The following GHR variants were observed in gnomAD, a reference collection of about 807,000 sequenced individuals.
GHR encodes growth hormone receptor.
GHR carries 35 observed loss-of-function variants against 67.1 expected under a neutral mutation model. The observed-to-expected ratio is 0.52, with a 90% confidence interval of 0.40 to 0.69. The LOEUF (loss-of-function observed/expected upper bound fraction) is 0.69. Ranked by LOEUF, GHR falls within the 30% of genes least tolerant of loss-of-function variation. GHR has a pLI of 0.00. For synonymous variants in GHR, 272 were observed against 269.1 expected, an observed-to-expected ratio of 1.01 and a Z score of -0.10; for missense variants, 792 against 764.6, an observed-to-expected ratio of 1.04 and a Z score of -0.42.
intron 2 of GHR, among the ~76,000 whole-genome samples, chr5:42,598,417 G>A (rs573908855): frequency 1.3e-5 from 2 of 152,320 alleles, no homozygotes; most frequent in South Asian, 4.1e-4. Context: ...GGGATAATGG[G>A]TGAAATTTCC....
chr5:42,641,246 A>G (rs1029353816), intron 3 of GHR, among the ~76,000 whole-genome samples: 6 of 152,080 alleles, frequency 3.9e-5, no homozygotes, highest in Admixed American at 3.9e-4. Flanking sequence ...CCCTTACTGG[A>G]CTAAACTCAA....
chr5:42,701,139 A>G (rs1757910274), intron 6 of GHR, among the ~76,000 whole-genome samples: 1 of 152,170 alleles, frequency 6.6e-6, no homozygotes, highest in South Asian at 2.1e-4. Flanking sequence ...CTATTTTCAC[A>G]ATACACTAAA....
intron 2 of GHR, among the ~76,000 whole-genome samples, chr5:42,603,754 C>T (rs1281393171): frequency 2.0e-5 from 3 of 152,168 alleles, no homozygotes; most frequent in African/African-American, 7.2e-5. Context: ...GTTTCCTTCA[C>T]ACAACAAGTA....
intron 1 of GHR, among the ~76,000 whole-genome samples, chr5:42,515,658 G>A (rs1023404991): frequency 6.6e-6 from 1 of 152,234 alleles, no homozygotes; most frequent in African/African-American, 2.4e-5. Context: ...AACACTGGGT[G>A]GATATAAAAG....
chr5:42,645,516 GT>G (rs1481242693), intron 3 of GHR, among the ~76,000 whole-genome samples: 1 of 152,220 alleles, frequency 6.6e-6, no homozygotes, highest in Non-Finnish European at 1.5e-5. Context: ...GAAAGAACCA[GT>G]TAGTTGCCAT....
intron 1 of GHR, among the ~76,000 whole-genome samples, chr5:42,482,595 C>A (rs998089506): frequency 6.6e-6 from 1 of 152,166 alleles, no homozygotes; most frequent in Admixed American, 6.5e-5. Context: ...GCGCCCCTCC[C>A]CCAGCCTCGC....
intron 1 of GHR, among the ~76,000 whole-genome samples, chr5:42,476,408 A>T (rs1441372635): frequency 1.3e-5 from 2 of 149,750 alleles, no homozygotes; most frequent in Admixed American, 1.3e-4. Flanking sequence ...TTTAGTAGAG[A>T]CAGGGTTTCA....
At chr5:42,516,143 A>G (rs1428029610) in intron 1 of GHR, among the ~76,000 whole-genome samples, 1 of 152,182 alleles carries the variant, frequency 6.6e-6, no homozygotes, top group Non-Finnish European at 1.5e-5. Context: ...GTACTTCCAC[A>G]TGGAAGAGAC....
At chr5:42,664,288 C>G (rs1438884383) in intron 3 of GHR, among the ~76,000 whole-genome samples, 1 of 152,200 alleles carries the variant, frequency 6.6e-6, no homozygotes, top group Non-Finnish European at 1.5e-5. Flanking sequence ...ATCGCCAAGT[C>G]AATCCTAAGC....
chr5:42,715,389 C>T (rs996040164), intron 8 of GHR, among the ~76,000 whole-genome samples: 11 of 152,190 alleles, frequency 7.2e-5, no homozygotes, highest in African/African-American at 2.7e-4. Flanking sequence ...AAAGTGGCGT[C>T]AGGTCCTACA....
At chr5:42,574,681 T>C (rs1750547976) in intron 2 of GHR, among the ~76,000 whole-genome samples, 1 of 152,152 alleles carries the variant, frequency 6.6e-6, no homozygotes, top group Non-Finnish European at 1.5e-5. Flanking sequence ...AAAAACTCAC[T>C]TTAAGGGAAA....
chr5:42,634,349 C>A lies in GHR; in HGVS notation c.136+5246C>A, dbSNP rs568336899. 5.3e-5 allele frequency among the ~76,000 whole-genome samples: 8 copies of A among 152,216 alleles called. No homozygotes were observed. In the South Asian group the frequency reaches 1.7e-3, roughly 32 times the overall value. On this transcript the variant is annotated intron_variant, in intron 3 of 9. Transcript: ENST00000230882. ...GCCCATGTCAACTCTATATTGGACC[C>A]TAAAATCATTATGTCTTTTGGTTCA...
At chr5:42,706,696 G>A (rs181474785) in intron 6 of GHR, among the ~76,000 whole-genome samples, 2 of 152,168 alleles carry the variant, frequency 1.3e-5, no homozygotes, top group Admixed American at 1.3e-4. Flanking sequence ...GTTGGTTGCA[G>A]GTATGAGGCT....
At chr5:42,717,168 G>A (rs1193128708) in intron 8 of GHR, among the ~76,000 whole-genome samples, 2 of 151,980 alleles carry the variant, frequency 1.3e-5, no homozygotes, top group East Asian at 1.9e-4. Flanking sequence ...ACAAAAATTA[G>A]CACACCCTGT....
At chr5:42,648,480 G>T (rs1213393487) in intron 3 of GHR, among the ~76,000 whole-genome samples, 3 of 152,070 alleles carry the variant, frequency 2.0e-5, no homozygotes, top group Admixed American at 6.5e-5. Context: ...TGTATTGGAG[G>T]ATAAAAGGGA....
chr5:42,564,002 A>G (rs964603150), intron 1 of GHR, among the ~76,000 whole-genome samples: 2 of 152,158 alleles, frequency 1.3e-5, no homozygotes, highest in South Asian at 2.1e-4. Context: ...AAAGTAGACG[A>G]GGATGATGAA....
intron 3 of GHR, among the ~76,000 whole-genome samples, chr5:42,666,717 G>T (rs1314518349): frequency 6.6e-6 from 1 of 152,138 alleles, no homozygotes; most frequent in Non-Finnish European, 1.5e-5. Flanking sequence ...AGAATCAACA[G>T]CATCTGTGAA....
At chr5:42,609,372 C>T (rs1415851380) in intron 2 of GHR, among the ~76,000 whole-genome samples, 1 of 152,126 alleles carries the variant, frequency 6.6e-6, no homozygotes, top group South Asian at 2.1e-4. Context: ...GCAGGGAAGA[C>T]GAGAGTGGAA....
chr5:42,438,536 C>T (rs562717842), intron 1 of GHR, among the ~76,000 whole-genome samples: 1 of 152,180 alleles, frequency 6.6e-6, no homozygotes, highest in African/African-American at 2.4e-5. Context: ...TGTTCTGTCT[C>T]TTATACCTAT....
Sources: allele counts gnomAD v4.1 joint callset (sites outside exome capture counted in the v4.1 genomes callset), GRCh38; gene constraint gnomAD v4.1.1; transcripts MANE v1.5; gene names NCBI Gene and HGNC (gene_info 2026-07-23, HGNC 2026-07-21).